MTUS1: variants seen among roughly 807,000 people sequenced by gnomAD.
MTUS1 encodes microtubule associated scaffold protein 1.
In MTUS1, 109 loss-of-function variants were observed where a neutral mutation model predicts 120.8. The observed-to-expected ratio is 0.90, with a 90% CI of 0.77 to 1.06. The LOEUF (loss-of-function observed/expected upper bound fraction) is 1.06, where lower values mean the gene tolerates loss of function less well. MTUS1 is among the 50% of genes least tolerant of loss of function. The probability of loss-of-function intolerance (pLI) is 0.00; values close to 1 mark genes in which losing one functional copy is unlikely to be tolerated. For synonymous variants in MTUS1, 737 were observed against 550.5 expected (o/e 1.34, Z -4.74); for missense variants, 2,210 against 1,486.3 (o/e 1.49, Z -8.01).
At position 17,723,463 on chromosome 8, in the gene MTUS1, T is replaced by A. The variant is rs755398535; in HGVS notation, c.2449+209A>T. On this transcript the variant is annotated intron_variant, in intron 4 of 14. Transcript: ENST00000693296. ...AGACGATGCACTTTCGAATCCTTCATGCAAAAATATACTTTAACACATAAT... is the reference window on the plus strand; with the variant it reads ...AGACGATGCACTTTCGAATCCTTCAAGCAAAAATATACTTTAACACATAAT... 3.4e-5 allele frequency: 21 copies of A among 618,536 alleles called. 1 individual carries two copies. The highest frequency in any genetic ancestry group is 6.1e-5 in the Non-Finnish European group (21 of 343,346). 38.3% of individuals were successfully genotyped at this position (618,536 alleles called of 1,614,324 possible).
intron 2 of MTUS1, among the ~76,000 whole-genome samples, chr8:17,744,022 G>A (rs1286554416): frequency 6.6e-6 from 1 of 152,140 alleles, no homozygotes; most frequent in Non-Finnish European, 1.5e-5. Context: ...CCTTAAGTCA[G>A]ACAAAACAGA....
chr8:17,759,163 G>A (rs1423060405), intron 1 of MTUS1, among the ~76,000 whole-genome samples: 2 of 152,118 alleles, frequency 1.3e-5, no homozygotes, highest in Admixed American at 6.5e-5. Flanking sequence ...TTACAGGCAT[G>A]AGCCACCATG....
intron 2 of MTUS1, among the ~76,000 whole-genome samples, chr8:17,744,684 G>GTTTTTTT (rs2047601634): frequency 9.6e-6 from 1 of 103,674 alleles, no homozygotes; most frequent in Non-Finnish European, 2.0e-5. Flanking sequence ...GTTTCACCAT[G>GTTTTTTT]TTTTCTTTTT....
chr8:17,660,455 C>G (rs36083109), intron 8 of MTUS1, among the ~76,000 whole-genome samples: 9,417 of 152,198 alleles, frequency 0.062, 492 homozygotes, highest in East Asian at 0.24. Flanking sequence ...CTTGGGTTGC[C>G]TCCACCTTTG....
intron 4 of MTUS1, among the ~76,000 whole-genome samples, chr8:17,719,243 C>A (rs1263141361): frequency 6.6e-6 from 1 of 152,052 alleles, no homozygotes; most frequent in Non-Finnish European, 1.5e-5. Context: ...CATTCTAACA[C>A]CTAGTGAAAA....
intron 6 of MTUS1, chr8:17,697,385 G>A: frequency 1.2e-6 from 2 of 1,613,592 alleles, no homozygotes; most frequent in South Asian, 2.2e-5. Context: ...CATGTCTTCG[G>A]AGCAGGTGGC....
At chr8:17,798,589 C>T (rs1029245732) in intron 1 of MTUS1, among the ~76,000 whole-genome samples, 1 of 152,294 alleles carries the variant, frequency 6.6e-6, no homozygotes, top group African/African-American at 2.4e-5. Flanking sequence ...GCCTTGGCTT[C>T]CCAAAGTGCT....
intron 3 of MTUS1, among the ~76,000 whole-genome samples, chr8:17,725,298 C>G (rs1248363156): frequency 6.6e-6 from 1 of 152,150 alleles, no homozygotes; most frequent in Non-Finnish European, 1.5e-5. Flanking sequence ...AGCGATTTTG[C>G]TCATAAAAAC....
chr8:17,723,582 A>T (rs1405144755), intron 4 of MTUS1, 90 bp downstream of exon 4: 3 of 1,427,434 alleles, frequency 2.1e-6, no homozygotes, highest in Non-Finnish European at 3.0e-6. Flanking sequence ...GAAACCCCAG[A>T]AACAAAAATT....
chr8:17,722,576 T>A (rs113619204), intron 4 of MTUS1: 2 of 985,290 alleles, frequency 2.0e-6, no homozygotes, highest in African/African-American at 3.5e-5. Context: ...TACTCTCATA[T>A]GAGTCCAGCT....
intron 1 of MTUS1, among the ~76,000 whole-genome samples, chr8:17,796,401 T>C (rs912481343): frequency 6.4e-4 from 12 of 18,714 alleles, no homozygotes; most frequent in Non-Finnish European, 1.2e-3. Context: ...TATATGCAAA[T>C]ACGTACTTCT....
chr8:17,696,878 C>G (rs1305707038), intron 6 of MTUS1, among the ~76,000 whole-genome samples: 1 of 150,976 alleles, frequency 6.6e-6, no homozygotes, highest in East Asian at 2.0e-4. Flanking sequence ...TGGGAACCTT[C>G]TCATCTACAC....
chr8:17,685,874 G>A (rs551650425), intron 6 of MTUS1, among the ~76,000 whole-genome samples: 2 of 151,854 alleles, frequency 1.3e-5, no homozygotes, highest in African/African-American at 4.8e-5. Flanking sequence ...GCAATTATTA[G>A]TAGTAGCTTA....
intron 2 of MTUS1, among the ~76,000 whole-genome samples, chr8:17,747,023 T>C (rs777711152): frequency 1.4e-4 from 21 of 152,316 alleles, no homozygotes; most frequent in Middle Eastern, 3.4e-3. Context: ...CACAGGATCT[T>C]TCTGGTCTCT....
At chr8:17,689,470 T>C (rs1251872221) in intron 6 of MTUS1, among the ~76,000 whole-genome samples, 1 of 152,216 alleles carries the variant, frequency 6.6e-6, no homozygotes, top group Non-Finnish European at 1.5e-5. Flanking sequence ...ATTACGCTTA[T>C]AAAATTTTTC....
intron 8 of MTUS1, among the ~76,000 whole-genome samples, chr8:17,664,537 T>G (rs1231984956): frequency 7.0e-6 from 1 of 143,354 alleles, no homozygotes; most frequent in Non-Finnish European, 1.5e-5. Context: ...AGTGGGCCCC[T>G]CACTCTCTCT....
At chr8:17,689,935 A>C (rs1004846903) in intron 6 of MTUS1, among the ~76,000 whole-genome samples, 3 of 150,458 alleles carry the variant, frequency 2.0e-5, no homozygotes, top group Non-Finnish European at 4.4e-5. Context: ...GGGGGAGGGA[A>C]CTAGAAAAAA....
chr8:17,764,374 G>A (rs1252657434), intron 1 of MTUS1, among the ~76,000 whole-genome samples: 1 of 146,086 alleles, frequency 6.8e-6, no homozygotes, highest in Admixed American at 7.0e-5. Flanking sequence ...TAATTTCTAT[G>A]CACTTGCATT....
At chr8:17,780,026 G>T (rs1203878003) in intron 1 of MTUS1, among the ~76,000 whole-genome samples, 4 of 152,158 alleles carry the variant, frequency 2.6e-5, no homozygotes, top group Non-Finnish European at 5.9e-5. Context: ...AGTGGTTGAG[G>T]TGGGGCCTGG....
Sources: gnomAD v4.1 joint callset for allele counts (sites outside exome capture counted in the v4.1 genomes callset) on GRCh38, gnomAD v4.1.1 for gene constraint, MANE v1.5 for transcripts, NCBI Gene and HGNC (gene_info 2026-07-23, HGNC 2026-07-21) for gene names.